The following SPTBN1 variants were observed in gnomAD, a reference collection of about 807,000 sequenced individuals.
SPTBN1 encodes the protein spectrin beta, non-erythrocytic 1.
A neutral mutation model predicts 266.4 loss-of-function variants in SPTBN1; 32 were observed. The ratio of observed to expected loss-of-function variants is 0.12; its 90% confidence interval spans 0.09 to 0.16. The LOEUF (loss-of-function observed/expected upper bound fraction) is 0.16. SPTBN1 is among the 10% of genes least tolerant of loss of function. SPTBN1 has a pLI of 1.00. For synonymous variants in SPTBN1, 1,336 were observed against 1,162.2 expected (o/e 1.15, Z -3.04); for missense variants, 2,296 against 3,067.1 (o/e 0.75, Z 5.94).
intron 2 of SPTBN1, among the ~76,000 whole-genome samples, chr2:54,576,464 A>AT (rs1010278891): frequency 2.3e-4 from 35 of 149,852 alleles, no homozygotes; most frequent in South Asian, 1.9e-3. Context: ...TGTTACTTCA[A>AT]TTTTTTTTTT....
intron 2 of SPTBN1, among the ~76,000 whole-genome samples, chr2:54,565,809 G>A (rs547189267): frequency 6.6e-6 from 1 of 152,366 alleles, no homozygotes; most frequent in East Asian, 1.9e-4. Context: ...CTATTAAAAT[G>A]TGAAGGATGG....
chr2:54,609,056 AGTAGAAGTGGAGGAG>A (rs1299932100), intron 3 of SPTBN1, among the ~76,000 whole-genome samples: 1 of 152,156 alleles, frequency 6.6e-6, no homozygotes, highest in Non-Finnish European at 1.5e-5. Context: ...ATCTTGGTGT[AGTAGAAGTGGAGGAG>A]GTAGAAGGGG....
rs929889189 is a variant in SPTBN1 at position 54,533,509 on chromosome 2, A to G, written c.148+6943A>G. Among the ~76,000 whole-genome samples the G allele has an allele frequency of 6.6e-5, 10 of 152,130 alleles. No individual in the cohort carries two copies. Among genetic ancestry groups the G allele is most frequent in the African/African-American group, 2.2e-4 (9 of 41,412 alleles). On this transcript the variant is annotated intron_variant, in intron 2 of 35. Coordinates refer to ENST00000356805, the MANE Select transcript of SPTBN1 (RefSeq NM_003128.3). This position sits in a 1 kb window ranked among gnomAD's most constrained non-coding sequence, Gnocchi z 4.2. ...AATTAGGAGGAGGAAACCTATTTAC[A>G]TGAGACTATATATGTATACAAGTGC...
chr2:54,600,060 C>T (rs928473065), intron 3 of SPTBN1, among the ~76,000 whole-genome samples: 1 of 152,178 alleles, frequency 6.6e-6, no homozygotes, highest in Non-Finnish European at 1.5e-5. Context: ...CTGACATCAC[C>T]AGGAAAATAT....
At chr2:54,587,387 C>T (rs144695219) in intron 2 of SPTBN1, among the ~76,000 whole-genome samples, 8 of 152,252 alleles carry the variant, frequency 5.3e-5, no homozygotes, top group East Asian at 1.9e-4. Context: ...GTGCCTGTTA[C>T]GGTTGGTGCG....
intron 2 of SPTBN1, among the ~76,000 whole-genome samples, chr2:54,537,319 G>T (rs943748194): frequency 2.6e-5 from 4 of 152,178 alleles, no homozygotes; most frequent in South Asian, 4.1e-4. Context: ...TAGTTCAAAT[G>T]TCTGTAAGGT....
intron 1 of SPTBN1, among the ~76,000 whole-genome samples, chr2:54,513,012 C>T (rs569015291): frequency 2.0e-5 from 3 of 152,072 alleles, no homozygotes; most frequent in Non-Finnish European, 2.9e-5. Flanking sequence ...GGCAGCATGG[C>T]GAAACCCTGG....
At chr2:54,657,179 G>C (rs1024977163) in intron 29 of SPTBN1, among the ~76,000 whole-genome samples, 1 of 152,190 alleles carries the variant, frequency 6.6e-6, no homozygotes, top group African/African-American at 2.4e-5. Context: ...TTCCTCACAG[G>C]TGGAAGAACA....
chr2:54,537,624 G>C (rs1671688421), intron 2 of SPTBN1, among the ~76,000 whole-genome samples: 1 of 152,194 alleles, frequency 6.6e-6, no homozygotes, highest in African/African-American at 2.4e-5. Flanking sequence ...GGATGATCAA[G>C]GGAAGGGCTA....
chr2:54,588,167 A>G (rs1380746295), intron 2 of SPTBN1, among the ~76,000 whole-genome samples: 1 of 152,120 alleles, frequency 6.6e-6, no homozygotes, highest in East Asian at 1.9e-4. Context: ...TGGAGTCTCT[A>G]TGGGGTATCA....
intron 2 of SPTBN1, among the ~76,000 whole-genome samples, chr2:54,560,578 C>T (rs1158986393): frequency 6.6e-6 from 1 of 152,152 alleles, no homozygotes; most frequent in Non-Finnish European, 1.5e-5. Context: ...TCATGTGCCC[C>T]TGATATTTTA....
chr2:54,635,814 T>G (rs1297347382), intron 17 of SPTBN1, among the ~76,000 whole-genome samples: 2 of 152,272 alleles, frequency 1.3e-5, no homozygotes, highest in East Asian at 1.9e-4. Context: ...TCTAAAGATT[T>G]GCGTTCTTGA....
At chr2:54,584,775 T>C (rs1273447035) in intron 2 of SPTBN1, among the ~76,000 whole-genome samples, 1 of 152,188 alleles carries the variant, frequency 6.6e-6, no homozygotes, top group East Asian at 1.9e-4. Flanking sequence ...CTAGGCTATG[T>C]CAAGGTAGCT....
chr2:54,613,667 CA>C (rs752808177), intron 4 of SPTBN1, among the ~76,000 whole-genome samples: 7 of 152,200 alleles, frequency 4.6e-5, no homozygotes, highest in Non-Finnish European at 1.0e-4. Context: ...GAAGATGGTA[CA>C]ACATCATTAA....
At chr2:54,517,891 G>T (rs991734963) in intron 1 of SPTBN1, among the ~76,000 whole-genome samples, 4 of 151,354 alleles carry the variant, frequency 2.6e-5, no homozygotes, top group African/African-American at 9.7e-5. Context: ...TGATCCGCCC[G>T]CCTCAGCCTC....
intron 2 of SPTBN1, among the ~76,000 whole-genome samples, chr2:54,563,805 T>C (rs1466743712): frequency 1.3e-5 from 2 of 152,030 alleles, no homozygotes; most frequent in Non-Finnish European, 2.9e-5. Context: ...GGTTTCGCCA[T>C]ATTGGCCAGG....
intron 2 of SPTBN1, among the ~76,000 whole-genome samples, chr2:54,596,085 T>G (rs1267302835): frequency 6.6e-6 from 1 of 152,178 alleles, no homozygotes; most frequent in Non-Finnish European, 1.5e-5. Flanking sequence ...GTCGGCTCAC[T>G]GCCCTCTGCT....
chr2:54,478,057 C>G (rs1329023469), intron 1 of SPTBN1, among the ~76,000 whole-genome samples: 1 of 152,146 alleles, frequency 6.6e-6, no homozygotes, highest in Non-Finnish European at 1.5e-5. Flanking sequence ...CATGACCCAT[C>G]ACAAAAACAT....
chr2:54,616,434 A>G (rs1677616146), intron 5 of SPTBN1, 136 bp downstream of exon 5: 1 of 617,482 alleles, frequency 1.6e-6, no homozygotes, highest in Non-Finnish European at 2.7e-6. Flanking sequence ...CAAGCAGTTG[A>G]TATGACTTTT....
Sources: gnomAD v4.1 joint callset for allele counts (sites outside exome capture counted in the v4.1 genomes callset) on GRCh38, gnomAD v4.1.1 for gene constraint, Gnocchi (gnomAD v3.1) non-coding constraint, MANE v1.5 for transcripts, NCBI Gene and HGNC (gene_info 2026-07-23, HGNC 2026-07-21) for gene names.